THBS1: variants seen among roughly 807,000 people sequenced by gnomAD.
The protein encoded by THBS1 is thrombospondin 1.
Under a neutral mutation model 126.1 loss-of-function variants are expected in THBS1, and 29 were observed. The ratio of observed to expected loss-of-function variants is 0.23; its 90% CI spans 0.17 to 0.31. THBS1 has a LOEUF of 0.31. Among genes scored for constraint, THBS1 ranks in the 10% least tolerant of loss-of-function variants. THBS1 has a pLI of 1.00. For synonymous variants in THBS1, 496 were observed against 577.8 expected, an observed-to-expected ratio of 0.86 and a Z score of 2.03; for missense variants, 1,198 against 1,545.2, an observed-to-expected ratio of 0.78 and a Z score of 3.77.
intron 3 of THBS1, among the ~76,000 whole-genome samples, chr15:39,583,363 T>TCCCAATGTGTA (rs1890147831): frequency 6.6e-6 from 1 of 152,220 alleles, no homozygotes; most frequent in South Asian, 2.1e-4. Flanking sequence ...AGATTCCATT[T>TCCCAATGTGTA]CCTGTGTACC....
chr15:39,592,540 T>A lies in THBS1; in HGVS notation c.2533-28T>A, dbSNP rs1287070329. ...TAACATGAATGGTTTATACTGCAAT[T>A]TACCCTCCATTTACATCTCTCTTTC... On this transcript the variant is annotated intron_variant, in intron 16 of 21. Coordinates refer to ENST00000260356, the MANE Select transcript of THBS1 (RefSeq NM_003246.4). This position sits in a 1 kb window ranked among gnomAD's most constrained non-coding sequence, Gnocchi z 4.3. 3.8e-6 allele frequency: 6 copies of A among 1,569,354 alleles called. No individual in the cohort carries two copies. In the East Asian group the frequency reaches 1.4e-4, roughly 36 times the overall value.
At position 39,594,537 on chromosome 15, in the gene THBS1, T is replaced by C; in HGVS notation, c.3505+97T>C. 6.7e-7 allele frequency: 1 copy of C among 1,493,942 alleles called. No individual in the cohort carries two copies. Among genetic ancestry groups the C allele is most frequent in the African/African-American group, 1.4e-5 (1 of 71,452 alleles). The allele number at this position is 1,493,942 out of a possible 1,614,324, so 92.5% of individuals were successfully genotyped here. ...GGGGGAGTCCAGTGTAAAGACTGTT[T>C]TGGAGACAGGGTTATTTCTATTTTG... On this transcript the variant is annotated intron_variant, in intron 21 of 21. Transcript: ENST00000260356. The surrounding 1 kb of genome is among the most constrained non-coding windows in gnomAD (Gnocchi z 4.4).
At chr15:39,583,282 G>A (rs1057019695) in intron 3 of THBS1, among the ~76,000 whole-genome samples, 12 of 152,130 alleles carry the variant, frequency 7.9e-5, no homozygotes, top group Non-Finnish European at 1.8e-4. Context: ...TCTTTGCAAC[G>A]GTGGCTTTGA....
At chr15:39,587,955 G>A in intron 8 of THBS1, 87 bp from the exon 9 acceptor site, 1 of 1,370,304 alleles carries the variant, frequency 7.3e-7, no homozygotes, top group Non-Finnish European at 1.0e-6. Context: ...CCATTTCCTG[G>A]AAATACTTCT....
chr15:39,594,518 G>A lies in THBS1; in HGVS notation c.3505+78G>A. On this transcript the variant is annotated intron_variant, in intron 21 of 21. Transcript: ENST00000260356. This position sits in a 1 kb window ranked among gnomAD's most constrained non-coding sequence, Gnocchi z 4.4. ...TATCAAGGATGACGGTTATGGGGGA[G>A]TCCAGTGTAAAGACTGTTTTGGAGA... The A allele has an allele frequency of 6.4e-7, 1 of 1,554,382 alleles. No homozygotes were observed. The highest frequency in any genetic ancestry group is 8.7e-7 in the Non-Finnish European group (1 of 1,152,416).
chr15:39,582,058 C>A, intron 2 of THBS1, 134 bp downstream of exon 2: 1 of 1,334,762 alleles, frequency 7.5e-7, no homozygotes, highest in South Asian at 1.3e-5. Context: ...CACTCTGATC[C>A]TGGTATTTAT....
At position 39,584,400 on chromosome 15, in the gene THBS1, G is replaced by A. The variant is rs1250985038; in HGVS notation, c.1004G>A (p.Ser335Asn). ...AATAACGAGGAATGGACTGTTGATA[G>A]CTGCACTGAGTGTCACTGTCAGGTA... ...YRNNEEWTVD[S>N]CTECHCQNSV... is the part of the protein sequence containing the mutation. Residue 335 changes from serine (S) to asparagine (N), a missense_variant, in exon 6 of 22, where the codon AGC (serine) becomes AAC (asparagine). This residue lies in a region of THBS1 where 663 missense variants were observed against 860.1 expected (regional missense o/e 0.77). Coordinates refer to ENST00000260356, the MANE Select transcript of THBS1 (RefSeq NM_003246.4). The A allele has an allele frequency of 1.2e-6, 2 of 1,614,192 alleles. No individual in the cohort carries two copies. Among genetic ancestry groups the A allele is most frequent in the Middle Eastern group, 1.6e-4 (1 of 6,062 alleles).
At chr15:39,591,058 G>A in intron 14 of THBS1, 133 bp from the exon 15 acceptor site, 5 of 999,010 alleles carry the variant, frequency 5.0e-6, no homozygotes, top group East Asian at 2.4e-5. Context: ...TACACTGAGT[G>A]ATCAATTAGC....
chr15:39,591,760 T>C, intron 16 of THBS1, 137 bp downstream of exon 16: 1 of 772,278 alleles, frequency 1.3e-6, no homozygotes, highest in Admixed American at 2.1e-5. Context: ...CCAACTGGAA[T>C]ACGTTCATGT....
intron 2 of THBS1, 51 bp from the exon 3 acceptor site, chr15:39,582,142 C>T: frequency 6.5e-7 from 1 of 1,539,498 alleles, no homozygotes; most frequent in Non-Finnish European, 8.8e-7. Flanking sequence ...CAGCCCCCTA[C>T]TGCTGGTCCC....
chr15:39,582,733 G>A lies in THBS1; in HGVS notation c.608G>A (p.Gly203Asp), dbSNP rs565121148. ...SIARLRIAKG[G>D]VNDNFQGVLQ... is the part of the protein sequence containing the mutation. Reference sequence around the variant, plus strand: ...GCCAGACTCCGCATCGCAAAGGGGGGCGTCAATGACAATTTCCAGGTGAGG... The same window carrying A: ...GCCAGACTCCGCATCGCAAAGGGGGACGTCAATGACAATTTCCAGGTGAGG... The change falls in exon 3 of 22, where the codon GGC becomes GAC. Residue 203 changes from glycine (G) to aspartate (D), a missense_variant. Gly to Asp is a moderately conservative substitution (Grantham distance 94). This residue lies in a region of THBS1 where 271 missense variants were observed against 277.0 expected (regional missense o/e 0.98). Transcript: ENST00000260356. 4 of 1,610,572 alleles carry A rather than the reference G, an allele frequency of 2.5e-6. No homozygotes were observed. In the African/African-American group the frequency reaches 4.0e-5, roughly 16 times the overall value.
Position 39,589,042 on chromosome 15 carries a change from C to T in THBS1, c.1729C>T (p.Pro577Ser), listed in dbSNP as rs1240691407. Reference sequence around the variant, plus strand: ...CAGCTGGAAATGTGGTGCTTGTCCCCCTGGTTACAGTGGAAATGGCATCCA... The same window carrying T: ...CAGCTGGAAATGTGGTGCTTGTCCCTCTGGTTACAGTGGAAATGGCATCCA... ...DGSWKCGACP[P>S]GYSGNGIQCT... The change falls in exon 11 of 22, where the codon CCT becomes TCT. Residue 577 changes from proline to serine, a missense_variant. By Grantham distance (74) the Pro-to-Ser change is moderately conservative (BLOSUM62 -1). Coordinates refer to ENST00000260356, the MANE Select transcript of THBS1 (RefSeq NM_003246.4). This position sits in a 1 kb window ranked among gnomAD's most constrained non-coding sequence, Gnocchi z 4.7. 3 of 1,614,132 alleles carry T rather than the reference C, an allele frequency of 1.9e-6. No individual in the cohort carries two copies. The East Asian group carries it at 6.7e-5, about 36-fold the overall frequency.
chr15:39,596,303 T>C lies in THBS1; in HGVS notation c.*934T>C, dbSNP rs1378347575. 1 of 153,964 alleles carries C rather than the reference T, an allele frequency of 6.5e-6. No homozygotes were observed. Among genetic ancestry groups the C allele is most frequent in the Non-Finnish European group, 1.4e-5 (1 of 69,208 alleles). 9.5% of individuals were successfully genotyped at this position (153,964 alleles called of 1,614,324 possible). A position where few individuals can be genotyped will look rare whatever the true frequency, so the allele number is the denominator to read the frequency against. On this transcript the variant is annotated 3_prime_UTR_variant, in exon 22 of 22. Transcript: ENST00000260356. ...ATCAACCTAACTAAAACATTCCTTT[T>C]CTCTTTTTTCCTGAATTATCATGGA...
rs776897123 is a variant in THBS1 at position 39,589,889 on chromosome 15, G to A, written c.2011G>A (p.Asp671Asn). Residue 671 changes from aspartate to asparagine, a missense_variant, in exon 13 of 22, where the codon GAC becomes AAC. Coordinates refer to ENST00000260356, the MANE Select transcript of THBS1 (RefSeq NM_003246.4). The surrounding 1 kb of genome is among the most constrained non-coding windows in gnomAD (Gnocchi z 4.7). ...AKCNYLGHYS[D>N]PMYRCECKPG... is the part of the protein sequence containing the mutation. ...GTGCAACTACCTGGGCCACTATAGC[G>A]ACCCCATGTACCGCTGCGAGTGCAA... 2.1e-4 allele frequency: 342 copies of A among 1,614,148 alleles called. No individual in the cohort carries two copies. The highest frequency in any genetic ancestry group is 2.8e-4 in the Non-Finnish European group (326 of 1,180,014).
chr15:39,581,994 C>G, intron 2 of THBS1, 70 bp downstream of exon 2: 1 of 1,536,108 alleles, frequency 6.5e-7, no homozygotes, highest in Non-Finnish European at 9.0e-7. Flanking sequence ...AGGTGTGCCC[C>G]CTCACGTGCT....
intron 6 of THBS1, 32 bp downstream of exon 6, chr15:39,584,454 C>T (rs374399180): frequency 5.6e-6 from 9 of 1,611,888 alleles, no homozygotes; most frequent in Admixed American, 3.3e-5. Flanking sequence ...GAATAAGAAT[C>T]GACGGCTTTT....
Position 39,593,898 on chromosome 15 carries a change from C to T in THBS1, c.3268-201C>T. ...CCTTCAGCCTTTTCAAACAAAAAAA[C>T]CTCCTTCCCTCCTCTCTGTCTGCTT... On this transcript the variant is annotated intron_variant, in intron 19 of 21. Transcript: ENST00000260356. This position sits in a 1 kb window ranked among gnomAD's most constrained non-coding sequence, Gnocchi z 5.9. 1 of 861,840 alleles carries T rather than the reference C, an allele frequency of 1.2e-6. No individual in the cohort carries two copies. Among genetic ancestry groups the T allele is most frequent in the Non-Finnish European group, 1.7e-6 (1 of 575,616 alleles). 53.4% of individuals were successfully genotyped at this position (861,840 alleles called of 1,614,324 possible).
At chr15:39,591,762 C>T (rs1055462671) in intron 16 of THBS1, 139 bp downstream of exon 16, 11 of 769,952 alleles carry the variant, frequency 1.4e-5, no homozygotes, top group Non-Finnish European at 1.8e-5. Flanking sequence ...AACTGGAATA[C>T]GTTCATGTAA....
At chr15:39,586,880 C>T (rs916531776) in intron 7 of THBS1, 5 of 152,636 alleles carry the variant, frequency 3.3e-5, no homozygotes, top group African/African-American at 9.6e-5. Context: ...GCAAAGCATC[C>T]GATTACCCCA....
Sources: gnomAD v4.1 joint callset for allele counts (sites outside exome capture counted in the v4.1 genomes callset) on GRCh38, gnomAD v4.1.1 for gene constraint, gnomAD v4.1.1 regional missense constraint, Gnocchi (gnomAD v3.1) non-coding constraint, MANE v1.5 for transcripts, NCBI Gene and HGNC (gene_info 2026-07-23, HGNC 2026-07-21) for gene names.